EGFLAM: variants seen among roughly 807,000 people sequenced by gnomAD.
The protein encoded by EGFLAM is pikachurin.
A neutral mutation model predicts 113.1 loss-of-function variants in EGFLAM; 79 were observed. That is an observed-to-expected ratio of 0.70 (90% CI 0.58 to 0.84). The LOEUF (loss-of-function observed/expected upper bound fraction) is 0.84, where lower values mean the gene tolerates loss of function less well. Among genes scored for constraint, EGFLAM ranks in the 40% least tolerant of loss-of-function variants. The pLI, the probability that EGFLAM is intolerant of heterozygous loss-of-function variation, is 0.00. For synonymous variants in EGFLAM, 504 were observed against 487.6 expected (o/e 1.03, Z -0.44); for missense variants, 1,265 against 1,291.6 (o/e 0.98, Z 0.32).
chr5:38,312,017 C>T (rs1413304777), intron 1 of EGFLAM, among the ~76,000 whole-genome samples: 2 of 152,162 alleles, frequency 1.3e-5, no homozygotes, highest in African/African-American at 4.8e-5. Flanking sequence ...AGCCCTGTAA[C>T]CATCGTCATT....
chr5:38,293,813 A>G (rs1214410821), intron 1 of EGFLAM, among the ~76,000 whole-genome samples: 6 of 152,204 alleles, frequency 3.9e-5, no homozygotes, highest in South Asian at 4.1e-4. Context: ...TAGGAAAAAT[A>G]TGTCCCTTTA....
intron 5 of EGFLAM, among the ~76,000 whole-genome samples, chr5:38,357,313 C>T (rs116044643): frequency 0.017 from 2,575 of 149,848 alleles, 66 homozygotes; most frequent in African/African-American, 0.061. Context: ...GCAATGGACC[C>T]TCATCACACA....
intron 1 of EGFLAM, among the ~76,000 whole-genome samples, chr5:38,273,256 A>G (rs1004078276): frequency 1.3e-5 from 2 of 152,200 alleles, no homozygotes; most frequent in Non-Finnish European, 1.5e-5. Context: ...CACCACAGTA[A>G]AACCCAGCAC....
At chr5:38,295,287 T>C (rs1158387675) in intron 1 of EGFLAM, among the ~76,000 whole-genome samples, 2 of 152,216 alleles carry the variant, frequency 1.3e-5, no homozygotes, top group African/African-American at 4.8e-5. Flanking sequence ...TTATTGAATA[T>C]TGCAGTGACC....
intron 3 of EGFLAM, among the ~76,000 whole-genome samples, chr5:38,341,130 A>G (rs996826340): frequency 2.0e-5 from 3 of 152,198 alleles, no homozygotes; most frequent in African/African-American, 4.8e-5. Context: ...GCAGGCTCAC[A>G]TGGGCACAGT....
At chr5:38,413,979 G>A (rs868698973) in intron 11 of EGFLAM, among the ~76,000 whole-genome samples, 3 of 152,298 alleles carry the variant, frequency 2.0e-5, no homozygotes, top group Non-Finnish European at 2.9e-5. Context: ...TCTGACAGAA[G>A]ACGGAGCTCA....
chr5:38,300,327 A>G (rs777506381), intron 1 of EGFLAM, among the ~76,000 whole-genome samples: 2 of 151,076 alleles, frequency 1.3e-5, no homozygotes, highest in African/African-American at 4.9e-5. Context: ...CAGAGGAATA[A>G]CCCTGTTGTA....
chr5:38,387,627 T>C (rs960619728), intron 6 of EGFLAM, among the ~76,000 whole-genome samples: 1 of 152,246 alleles, frequency 6.6e-6, no homozygotes, highest in African/African-American at 2.4e-5. Context: ...CCCTCTCTGA[T>C]GGAGAATGAC....
intron 3 of EGFLAM, among the ~76,000 whole-genome samples, chr5:38,342,025 C>T (rs934594769): frequency 6.6e-6 from 1 of 152,048 alleles, no homozygotes; most frequent in Non-Finnish European, 1.5e-5. Flanking sequence ...AAACCCCTGT[C>T]CCAATCCAGG....
At chr5:38,366,987 G>C (rs1408911522) in intron 5 of EGFLAM, among the ~76,000 whole-genome samples, 1 of 152,156 alleles carries the variant, frequency 6.6e-6, no homozygotes, top group East Asian at 1.9e-4. Flanking sequence ...ATTACCCACT[G>C]CTGGCCGCAT....
Position 38,425,020 on chromosome 5 carries a change from T to C in EGFLAM, c.1738T>C (p.Cys580Arg), listed in dbSNP as rs778539806. ...GGCCTCGTGCATCCATGGTGGCACCTGCACAGCAATCAAAGCCGACTCCTA... is the reference window on the plus strand; with the variant it reads ...GGCCTCGTGCATCCATGGTGGCACCCGCACAGCAATCAAAGCCGACTCCTA... ...DEASCIHGGT[C>R]TAIKADSYIC... Residue 580 changes from cysteine to arginine, a missense_variant, in exon 13 of 22, where the codon TGC (cysteine) becomes CGC (arginine). Coordinates refer to ENST00000322350, the MANE Select transcript of EGFLAM (RefSeq NM_152403.4). 1 of 1,614,110 alleles carries C rather than the reference T, an allele frequency of 6.2e-7. No individual in the cohort carries two copies. The highest frequency in any genetic ancestry group is 1.1e-5 in the South Asian group (1 of 91,074).
chr5:38,430,164 C>A, intron 14 of EGFLAM: 1 of 200,764 alleles, frequency 5.0e-6, no homozygotes, highest in South Asian at 9.9e-5. Flanking sequence ...TTGCCCTTTT[C>A]AACAGCAACC....
chr5:38,342,413 G>A (rs1040944398), intron 3 of EGFLAM, among the ~76,000 whole-genome samples: 5 of 152,174 alleles, frequency 3.3e-5, no homozygotes, highest in African/African-American at 1.2e-4. Context: ...TTTTCAGTAA[G>A]ATAGGACCGA....
At chr5:38,419,160 A>G (rs74528359) in intron 12 of EGFLAM, among the ~76,000 whole-genome samples, 186 of 152,296 alleles carry the variant, frequency 1.2e-3, no homozygotes, top group African/African-American at 4.3e-3. Context: ...AAGGACACCA[A>G]TCGGACTGGA....
chr5:38,378,100 A>G (rs1304544628), intron 6 of EGFLAM, among the ~76,000 whole-genome samples: 1 of 152,196 alleles, frequency 6.6e-6, no homozygotes, highest in Non-Finnish European at 1.5e-5. Context: ...TTTCAGAAAC[A>G]TACTCTTCCA....
In EGFLAM at chr5:38,430,936, G is replaced by C. The variant is rs536774589; in HGVS notation, c.2055-241G>C. Among the ~76,000 whole-genome samples the C allele has an allele frequency of 2.0e-5, 3 of 152,314 alleles. No homozygotes were observed. In the South Asian group the frequency reaches 6.2e-4, roughly 32 times the overall value. On this transcript the variant is annotated intron_variant, in intron 14 of 21. Coordinates refer to ENST00000322350, the MANE Select transcript of EGFLAM (RefSeq NM_152403.4). ...AGAGAAGGTGGATGTCCCAACTCAA[G>C]AAGAGAGAGCACTTCCCCCCTCCTC...
intron 5 of EGFLAM, among the ~76,000 whole-genome samples, chr5:38,362,873 A>G (rs1178436614): frequency 6.6e-6 from 1 of 152,122 alleles, no homozygotes; most frequent in Non-Finnish European, 1.5e-5. Flanking sequence ...CCTACCCTAA[A>G]CATTCCTGAT....
intron 20 of EGFLAM, among the ~76,000 whole-genome samples, chr5:38,458,731 A>G (rs1743171950): frequency 6.6e-6 from 1 of 152,192 alleles, no homozygotes; most frequent in Admixed American, 6.5e-5. Flanking sequence ...CTGGAATACC[A>G]GCACTTGGGG....
chr5:38,284,937 C>T (rs1758117918), intron 1 of EGFLAM, among the ~76,000 whole-genome samples: 1 of 152,136 alleles, frequency 6.6e-6, no homozygotes, highest in Non-Finnish European at 1.5e-5. Flanking sequence ...ATACCCCATT[C>T]TGCTCATATT....
Sources: allele counts gnomAD v4.1 joint callset (sites outside exome capture counted in the v4.1 genomes callset), GRCh38; gene constraint gnomAD v4.1.1; transcripts MANE v1.5; gene names NCBI Gene and HGNC (gene_info 2026-07-23, HGNC 2026-07-21).